UBASH3B: variants seen among roughly 807,000 people sequenced by gnomAD.
The protein encoded by UBASH3B is ubiquitin-associated and SH3 domain-containing protein B.
In UBASH3B, 37 loss-of-function variants were observed where a neutral mutation model predicts 83.4. That is an observed-to-expected ratio of 0.44 (90% CI 0.34 to 0.58). The LOEUF (loss-of-function observed/expected upper bound fraction) is 0.58, where lower values mean the gene tolerates loss of function less well. UBASH3B is among the 20% of genes least tolerant of loss of function. UBASH3B has a pLI of 0.01. For missense variants in UBASH3B, 657 were observed against 827.2 expected (o/e 0.79, Z 2.52); for synonymous variants, 304 against 318.3 (o/e 0.96, Z 0.48).
chr11:122,740,473 C>A (rs1384400714), intron 1 of UBASH3B, among the ~76,000 whole-genome samples: 14 of 152,208 alleles, frequency 9.2e-5, no homozygotes, highest in African/African-American at 3.4e-4. Flanking sequence ...ACTGAAAGCA[C>A]AATATGTGTT....
intron 1 of UBASH3B, among the ~76,000 whole-genome samples, chr11:122,735,503 T>C (rs1860917337): frequency 6.6e-6 from 1 of 152,194 alleles, no homozygotes; most frequent in African/African-American, 2.4e-5. Flanking sequence ...TATTAAACAT[T>C]TGTTGAGCAC....
chr11:122,689,685 G>A (rs1863858415), intron 1 of UBASH3B, among the ~76,000 whole-genome samples: 2 of 152,100 alleles, frequency 1.3e-5, no homozygotes, highest in South Asian at 4.1e-4. Flanking sequence ...GGAGGGCTCT[G>A]GCCCCAGACT....
intron 1 of UBASH3B, among the ~76,000 whole-genome samples, chr11:122,754,112 G>A (rs1221172661): frequency 2.0e-5 from 3 of 152,154 alleles, no homozygotes; most frequent in Non-Finnish European, 2.9e-5. Flanking sequence ...CATTTTGGCC[G>A]CTGCACGTCT....
intron 1 of UBASH3B, among the ~76,000 whole-genome samples, chr11:122,768,659 C>A (rs2135128256): frequency 6.6e-6 from 1 of 152,174 alleles, no homozygotes; most frequent in East Asian, 1.9e-4. Flanking sequence ...GCAGCCACCA[C>A]CAGGCCCAGC....
chr11:122,706,142 G>C (rs1424119303), intron 1 of UBASH3B, among the ~76,000 whole-genome samples: 6 of 126,000 alleles, frequency 4.8e-5, no homozygotes, highest in Non-Finnish European at 8.1e-5. Context: ...TTGAGATGGA[G>C]TTTCGCTCTT....
intron 1 of UBASH3B, among the ~76,000 whole-genome samples, chr11:122,721,069 C>T (rs1860622451): frequency 6.6e-6 from 1 of 150,996 alleles, no homozygotes; most frequent in Admixed American, 6.6e-5. Context: ...CACGGTGAAA[C>T]CCCGTCTCTA....
At chr11:122,713,057 G>A (rs12295303) in intron 1 of UBASH3B, among the ~76,000 whole-genome samples, 26,639 of 151,386 alleles carry the variant, frequency 0.18, 3,226 homozygotes, top group African/African-American at 0.35. Context: ...ACAGGCACCC[G>A]CCACCACGCC....
At chr11:122,744,898 TGCGCGC>T (rs148530696) in intron 1 of UBASH3B, among the ~76,000 whole-genome samples, 20 of 107,926 alleles carry the variant, frequency 1.9e-4, no homozygotes, top group African/African-American at 3.5e-4. Flanking sequence ...TGTGTGTGTG[TGCGCGC>T]GCGCGCGCAC....
chr11:122,695,256 G>A (rs945127608), intron 1 of UBASH3B, among the ~76,000 whole-genome samples: 2 of 152,042 alleles, frequency 1.3e-5, no homozygotes, highest in African/African-American at 4.8e-5. Flanking sequence ...GAGCCACCGC[G>A]CCCGGCCCAC....
At chr11:122,803,384 G>T (rs1312823782) in intron 11 of UBASH3B, among the ~76,000 whole-genome samples, 1 of 152,204 alleles carries the variant, frequency 6.6e-6, no homozygotes, top group African/African-American at 2.4e-5. Flanking sequence ...CCGGGGTAGT[G>T]TGAATCAGGC....
At chr11:122,757,039 T>C (rs1271102214) in intron 1 of UBASH3B, among the ~76,000 whole-genome samples, 1 of 152,218 alleles carries the variant, frequency 6.6e-6, no homozygotes, top group Non-Finnish European at 1.5e-5. Context: ...GAGCATCGTA[T>C]CCTAAATATC....
At chr11:122,754,875 C>A (rs1022301808) in intron 1 of UBASH3B, among the ~76,000 whole-genome samples, 8 of 152,182 alleles carry the variant, frequency 5.3e-5, no homozygotes, top group African/African-American at 1.9e-4. Flanking sequence ...AAGGTCATAC[C>A]GCTAGTGACA....
At chr11:122,718,295 C>T (rs1403670963) in intron 1 of UBASH3B, among the ~76,000 whole-genome samples, 1 of 152,184 alleles carries the variant, frequency 6.6e-6, no homozygotes, top group African/African-American at 2.4e-5. Flanking sequence ...AAATACATTT[C>T]GGATGAAGCA....
chr11:122,669,142 C>T (rs781126763), intron 1 of UBASH3B, among the ~76,000 whole-genome samples: 25 of 152,216 alleles, frequency 1.6e-4, no homozygotes, highest in Non-Finnish European at 3.4e-4. Flanking sequence ...ACTACAAATT[C>T]AGTGGCTTAC....
intron 1 of UBASH3B, among the ~76,000 whole-genome samples, chr11:122,760,365 T>G (rs1208133673): frequency 6.6e-6 from 1 of 151,642 alleles, no homozygotes; most frequent in Non-Finnish European, 1.5e-5. Flanking sequence ...TTTTTTTTTT[T>G]GTTATTGTTC....
chr11:122,732,606 A>G (rs1353597445), intron 1 of UBASH3B, among the ~76,000 whole-genome samples: 1 of 152,172 alleles, frequency 6.6e-6, no homozygotes, highest in East Asian at 1.9e-4. Context: ...TACAACTTGT[A>G]AAGTCCTATT....
intron 1 of UBASH3B, among the ~76,000 whole-genome samples, chr11:122,656,603 C>T (rs140871780): frequency 6.6e-6 from 1 of 152,200 alleles, no homozygotes; most frequent in Non-Finnish European, 1.5e-5. Flanking sequence ...GCACCCTCTC[C>T]GTCTGGAATA....
intron 1 of UBASH3B, among the ~76,000 whole-genome samples, chr11:122,715,136 G>T (rs113481633): frequency 6.6e-6 from 1 of 152,016 alleles, no homozygotes; most frequent in Non-Finnish European, 1.5e-5. Flanking sequence ...TAGTAGAGAC[G>T]GGGTTTCACC....
chr11:122,700,556 G>A (rs1864029126), intron 1 of UBASH3B, among the ~76,000 whole-genome samples: 1 of 143,426 alleles, frequency 7.0e-6, no homozygotes, highest in Non-Finnish European at 1.5e-5. Context: ...AAGTGCAGTG[G>A]CATGATATCG....
Sources: gnomAD v4.1 joint callset for allele counts (sites outside exome capture counted in the v4.1 genomes callset) on GRCh38, gnomAD v4.1.1 for gene constraint, MANE v1.5 for transcripts, NCBI Gene and HGNC (gene_info 2026-07-23, HGNC 2026-07-21) for gene names.